Variants in C8orf34 observed in about 807,000 individuals in gnomAD.
The protein encoded by C8orf34 is uncharacterized protein C8orf34.
A neutral mutation model predicts 68.3 loss-of-function variants in C8orf34; 65 were observed. The observed-to-expected ratio is 0.95, with a 90% CI of 0.78 to 1.17. C8orf34 has a LOEUF of 1.17. Among genes scored for constraint, C8orf34 ranks in the 50% most tolerant of loss-of-function variants. The pLI is 0.00. For synonymous variants in C8orf34, 244 were observed against 241.2 expected, an observed-to-expected ratio of 1.01 and a Z score of -0.11; for missense variants, 664 against 655.4, an observed-to-expected ratio of 1.01 and a Z score of -0.14.
chr8:68,723,547 T>C (rs182964920), intron 10 of C8orf34, among the ~76,000 whole-genome samples: 26 of 152,268 alleles, frequency 1.7e-4, no homozygotes, highest in Admixed American at 8.5e-4. Flanking sequence ...ATTAATTTTA[T>C]TTTTTAAGAA....
At chr8:68,611,758 C>G (rs1329737407) in intron 7 of C8orf34, among the ~76,000 whole-genome samples, 2 of 152,054 alleles carry the variant, frequency 1.3e-5, no homozygotes, top group Non-Finnish European at 2.9e-5. Flanking sequence ...TTTAAATCTG[C>G]TAACAATTTT....
chr8:68,521,916 A>G lies in C8orf34; in HGVS notation c.883A>G (p.Arg295Gly), dbSNP rs1266367524. The G allele has an allele frequency of 6.2e-7, 1 of 1,614,126 alleles. No homozygotes were observed. The highest frequency in any genetic ancestry group is 1.3e-5 in the African/African-American group (1 of 75,052). Reference sequence around the variant, plus strand: ...TGAAATGCTACAGCCTCCAATTCCAAGAAGCAAAAATGACCAATGGGAAAG... The same window carrying G: ...TGAAATGCTACAGCCTCCAATTCCAGGAAGCAAAAATGACCAATGGGAAAG... Reference protein sequence around the residue: ...AAEMLQPPIPRSKNDQWESED... With the variant: ...AAEMLQPPIPGSKNDQWESED... The change falls in exon 6 of 14, where the codon AGA becomes GGA. Residue 295 changes from arginine to glycine, a missense_variant. Coordinates refer to ENST00000518698, the MANE Select transcript of C8orf34 (RefSeq NM_052958.4).
At chr8:68,441,710 A>G (rs565838895) in intron 2 of C8orf34, among the ~76,000 whole-genome samples, 2 of 152,178 alleles carry the variant, frequency 1.3e-5, no homozygotes, top group South Asian at 2.1e-4. Flanking sequence ...TCTCATTCCA[A>G]TCTACTAAGA....
At chr8:68,559,080 C>T (rs1459906575) in intron 7 of C8orf34, among the ~76,000 whole-genome samples, 1 of 152,046 alleles carries the variant, frequency 6.6e-6, no homozygotes, top group East Asian at 1.9e-4. Flanking sequence ...TGAGAGTGAA[C>T]ATGAACATAA....
intron 3 of C8orf34, among the ~76,000 whole-genome samples, chr8:68,459,744 T>C (rs1811712121): frequency 6.6e-6 from 1 of 152,150 alleles, no homozygotes; most frequent in South Asian, 2.1e-4. Context: ...ATAGAAAAGA[T>C]GTGGAATCAA....
At chr8:68,585,065 A>G (rs1053482678) in intron 7 of C8orf34, among the ~76,000 whole-genome samples, 1 of 152,274 alleles carries the variant, frequency 6.6e-6, no homozygotes, top group Admixed American at 6.5e-5. Context: ...TAGGACTTGT[A>G]AACTAAGGCC....
At chr8:68,449,383 A>G (rs1047428092) in intron 3 of C8orf34, among the ~76,000 whole-genome samples, 1 of 152,098 alleles carries the variant, frequency 6.6e-6, no homozygotes, top group Non-Finnish European at 1.5e-5. Context: ...TAGTTTGAAA[A>G]CATTTTCATC....
At chr8:68,744,740 G>T (rs1408386993) in intron 10 of C8orf34, among the ~76,000 whole-genome samples, 1 of 152,188 alleles carries the variant, frequency 6.6e-6, no homozygotes, top group Non-Finnish European at 1.5e-5. Context: ...TATGTGAAAA[G>T]ACCAAATCTA....
At chr8:68,583,609 C>A (rs1194043128) in intron 7 of C8orf34, among the ~76,000 whole-genome samples, 1 of 152,116 alleles carries the variant, frequency 6.6e-6, no homozygotes, top group Admixed American at 6.6e-5. Context: ...AATCCACCTC[C>A]ATTTCTTTAA....
At chr8:68,730,173 A>T (rs924982160) in intron 10 of C8orf34, among the ~76,000 whole-genome samples, 2 of 152,194 alleles carry the variant, frequency 1.3e-5, no homozygotes, top group African/African-American at 4.8e-5. Flanking sequence ...TGTTCATTAT[A>T]ATCTCACCAA....
At position 68,410,433 on chromosome 8, in the gene C8orf34, C is replaced by T. The variant is rs535149655; in HGVS notation, c.328-29066C>T. Among the ~76,000 whole-genome samples the T allele has an allele frequency of 1.5e-3, 221 of 152,232 alleles. 1 individual carries two copies. Among genetic ancestry groups the T allele is most frequent in the South Asian group, 1.9e-3 (9 of 4,816 alleles). On this transcript the variant is annotated intron_variant, in intron 1 of 13. Transcript: ENST00000518698. ...CATTGTATTAGCCATTACAAGTAATCTAGAGATCATTTAAAGTATATGGGA... is the reference window on the plus strand; with the variant it reads ...CATTGTATTAGCCATTACAAGTAATTTAGAGATCATTTAAAGTATATGGGA...
At chr8:68,423,823 T>C (rs576629859) in intron 1 of C8orf34, among the ~76,000 whole-genome samples, 1 of 152,246 alleles carries the variant, frequency 6.6e-6, no homozygotes, top group East Asian at 1.9e-4. Flanking sequence ...CTTACAATCA[T>C]GGCAGAAGGA....
chr8:68,501,602 G>A (rs879715130), intron 5 of C8orf34, among the ~76,000 whole-genome samples: 2 of 152,076 alleles, frequency 1.3e-5, no homozygotes, highest in Non-Finnish European at 2.9e-5. Flanking sequence ...GAATTTTCCT[G>A]GATATAGGTA....
At chr8:68,350,627 C>A (rs567345774) in intron 1 of C8orf34, among the ~76,000 whole-genome samples, 1 of 152,156 alleles carries the variant, frequency 6.6e-6, no homozygotes, top group African/African-American at 2.4e-5. Flanking sequence ...GTGTTGTGTG[C>A]ATATATATTT....
intron 5 of C8orf34, among the ~76,000 whole-genome samples, chr8:68,492,707 T>C (rs117418348): frequency 0.012 from 1,773 of 152,206 alleles, 19 homozygotes; most frequent in Non-Finnish European, 0.019. Context: ...TTTGTTCATG[T>C]CATTCCCTTT....
At chr8:68,345,182 C>G (rs554182031) in intron 1 of C8orf34, among the ~76,000 whole-genome samples, 38 of 151,720 alleles carry the variant, frequency 2.5e-4, no homozygotes, top group African/African-American at 8.9e-4. Flanking sequence ...AAAGACACAC[C>G]AGGAACAAGA....
chr8:68,702,550 G>A (rs554005014), intron 8 of C8orf34, among the ~76,000 whole-genome samples: 15 of 152,238 alleles, frequency 9.9e-5, no homozygotes, highest in African/African-American at 3.4e-4. Flanking sequence ...CTTCCAGAAA[G>A]TATTCAGGGA....
chr8:68,746,042 A>G (rs1232889913), intron 10 of C8orf34, among the ~76,000 whole-genome samples: 1 of 152,134 alleles, frequency 6.6e-6, no homozygotes, highest in Non-Finnish European at 1.5e-5. Context: ...TATCTCTCAG[A>G]CCACAGTGCA....
At chr8:68,395,376 CACACACACACACACACACACAA>C (rs1808658385) in intron 1 of C8orf34, among the ~76,000 whole-genome samples, 2 of 149,920 alleles carry the variant, frequency 1.3e-5, no homozygotes, top group African/African-American at 2.4e-5. Context: ...CACACACACA[CACACACACACACACACACACAA>C]ACACACACAC....
Sources: gnomAD v4.1 joint callset for allele counts (sites outside exome capture counted in the v4.1 genomes callset) on GRCh38, gnomAD v4.1.1 for gene constraint, MANE v1.5 for transcripts, NCBI Gene and HGNC (gene_info 2026-07-23, HGNC 2026-07-21) for gene names.